Variants in DDHD2 observed in about 807,000 individuals in gnomAD.
DDHD2 encodes DDHD domain containing 2.
Under a neutral mutation model 91.2 loss-of-function variants are expected in DDHD2, and 62 were observed. The ratio of observed to expected loss-of-function variants is 0.68; its 90% CI spans 0.55 to 0.84. The LOEUF (loss-of-function observed/expected upper bound fraction) is 0.84, where lower values mean the gene tolerates loss of function less well. DDHD2 is among the 40% of genes least tolerant of loss of function. DDHD2 has a pLI of 0.00. For synonymous variants in DDHD2, 271 were observed against 293.9 expected, an observed-to-expected ratio of 0.92 and a Z score of 0.80; for missense variants, 740 against 846.9, an observed-to-expected ratio of 0.87 and a Z score of 1.57.
At chr8:38,241,211 T>C (rs544715707) in intron 6 of DDHD2, among the ~76,000 whole-genome samples, 5 of 152,134 alleles carry the variant, frequency 3.3e-5, no homozygotes, top group Non-Finnish European at 7.4e-5. Context: ...TGATGTGATA[T>C]GAATTTCAAA....
intron 1 of DDHD2, chr8:38,268,663 G>A: frequency 7.0e-7 from 1 of 1,432,814 alleles, no homozygotes; most frequent in Admixed American, 2.9e-5. Flanking sequence ...CTGAGGCACA[G>A]AGCGCCCGGG....
At chr8:38,267,092 A>G (rs545237511), downstream of DDHD2, 4 of 1,461,462 alleles carry the variant, frequency 2.7e-6, no homozygotes, top group South Asian at 5.9e-5. Flanking sequence ...GTTCTGTAAT[A>G]TTTACCCAAA....
chr8:38,237,784 C>G (rs1034140026), intron 4 of DDHD2, among the ~76,000 whole-genome samples, 157 bp downstream of exon 4: 11 of 152,206 alleles, frequency 7.2e-5, no homozygotes, highest in Admixed American at 5.9e-4. Context: ...GTAGCCACTA[C>G]TGTTATTTAC....
In DDHD2 at chr8:38,246,282, G is replaced by C; in HGVS notation, c.1107G>C (p.Gly369=). 1 of 1,608,728 alleles carries C rather than the reference G, an allele frequency of 6.2e-7. No homozygotes were observed. Among genetic ancestry groups the C allele is most frequent in the Non-Finnish European group, 8.5e-7 (1 of 1,176,010 alleles). The change falls in exon 9 of 18, where the codon GGG becomes GGC. Residue 369 remains glycine, a synonymous_variant. Coordinates refer to ENST00000397166, the MANE Select transcript of DDHD2 (RefSeq NM_015214.3). The part of the protein sequence containing the change: ...DILTNQKDSL[G]DIDSEKDSLN... ...TAACAAATCAGAAAGATTCTTTGGGGGATATTGACAGTGAAAAGGTAATTT... is the reference window on the plus strand; with the variant it reads ...TAACAAATCAGAAAGATTCTTTGGGCGATATTGACAGTGAAAAGGTAATTT...
chr8:38,266,791 C>T (rs900809360), downstream of DDHD2, among the ~76,000 whole-genome samples: 5 of 152,124 alleles, frequency 3.3e-5, no homozygotes, highest in Admixed American at 3.3e-4. Flanking sequence ...GGACTTAGTG[C>T]CCCAAAGTTA....
chr8:38,251,330 AC>A (rs1252320718), intron 11 of DDHD2: 2 of 152,504 alleles, frequency 1.3e-5, no homozygotes, highest in Non-Finnish European at 2.9e-5. Flanking sequence ...GGCGTGAGCC[AC>A]CATGCCTGGC....
rs1029105466 is a variant in DDHD2, at chr8:38,238,563, A to AACT, written c.622+355_622+357dup. ...TCCTTGAAGATTTTCAACTAAGGAAAACTGTTTTTCAGCAGGACCTGATTA... is the reference window on the plus strand; with the variant it reads ...TCCTTGAAGATTTTCAACTAAGGAAAACTACTGTTTTTCAGCAGGACCTGATTA... On this transcript the variant is annotated intron_variant, in intron 5 of 17. Transcript: ENST00000397166. 3.0e-5 allele frequency: 31 copies of AACT among 1,041,578 alleles called. No homozygotes were observed. In the Admixed American group the frequency reaches 8.6e-4, roughly 29 times the overall value. 64.5% of individuals were successfully genotyped at this position (1,041,578 alleles called of 1,614,324 possible). A position where few individuals can be genotyped will look rare whatever the true frequency, so the allele number is the denominator to read the frequency against.
downstream of DDHD2, chr8:38,267,270 A>G: frequency 6.2e-7 from 1 of 1,613,980 alleles, no homozygotes. Flanking sequence ...TTCATACAGG[A>G]AGAATGTCCA....
chr8:38,243,897 C>T (rs576295750), intron 7 of DDHD2, among the ~76,000 whole-genome samples: 3 of 151,556 alleles, frequency 2.0e-5, no homozygotes, highest in African/African-American at 7.3e-5. Flanking sequence ...CTCCGACTCC[C>T]GGGTTCAAGC....
chr8:38,255,765 A>C (rs1187250956), intron 16 of DDHD2, among the ~76,000 whole-genome samples: 1 of 151,716 alleles, frequency 6.6e-6, no homozygotes, highest in African/African-American at 2.4e-5. Context: ...TCCTCTACTC[A>C]TGGACTTTCA....
intron 16 of DDHD2, among the ~76,000 whole-genome samples, chr8:38,257,247 T>G (rs1413279822): frequency 7.4e-5 from 10 of 135,476 alleles, no homozygotes; most frequent in African/African-American, 1.9e-4. Flanking sequence ...AGTTTTTTTT[T>G]TTTTTTTTTT....
At chr8:38,239,481 C>T (rs986339983) in intron 5 of DDHD2, among the ~76,000 whole-genome samples, 3 of 150,816 alleles carry the variant, frequency 2.0e-5, no homozygotes, top group African/African-American at 4.9e-5. Flanking sequence ...GTCAGGAGGT[C>T]GAGACCATTC....
At chr8:38,265,024 T>A, downstream of DDHD2, 1 of 1,013,108 alleles carries the variant, frequency 9.9e-7, no homozygotes, top group Non-Finnish European at 1.6e-6. Flanking sequence ...ATCCCAGCAC[T>A]TTGGGAGGAC....
intron 7 of DDHD2, 26 bp downstream of exon 7, chr8:38,242,411 T>C (rs756646170): frequency 1.9e-6 from 3 of 1,601,764 alleles, no homozygotes; most frequent in Admixed American, 1.8e-5. Flanking sequence ...TACCTTCGAG[T>C]TGTTAGCTGT....
At chr8:38,236,157 C>T (rs1251231935) in intron 3 of DDHD2, among the ~76,000 whole-genome samples, 6 of 151,672 alleles carry the variant, frequency 4.0e-5, no homozygotes, top group African/African-American at 7.3e-5. Flanking sequence ...GGACTACAGG[C>T]GCCCGCCACC....
chr8:38,237,689 A>G (rs747039497), intron 4 of DDHD2, 62 bp downstream of exon 4: 17 of 919,872 alleles, frequency 1.8e-5, no homozygotes, highest in East Asian at 5.4e-5. Context: ...GGAGAACTCA[A>G]TTGGTTTCTT....
intron 2 of DDHD2, among the ~76,000 whole-genome samples, chr8:38,234,185 A>G (rs1251160381): frequency 1.3e-5 from 2 of 152,050 alleles, no homozygotes; most frequent in African/African-American, 4.8e-5. Flanking sequence ...TTTTTTTCAT[A>G]TTTCATTAAA....
intron 1 of DDHD2, chr8:38,269,003 A>C (rs746972838): frequency 6.4e-7 from 1 of 1,571,224 alleles, no homozygotes; most frequent in South Asian, 1.2e-5. Flanking sequence ...AGAGGGGAAC[A>C]AAGAAGCGCA....
chr8:38,236,794 A>G (rs1374367565), intron 3 of DDHD2, among the ~76,000 whole-genome samples: 27 of 151,942 alleles, frequency 1.8e-4, no homozygotes, highest in Admixed American at 1.8e-3. Flanking sequence ...TGCTGGGATT[A>G]TAGGCGTGAG....
Sources: gnomAD v4.1 joint callset for allele counts (sites outside exome capture counted in the v4.1 genomes callset) on GRCh38, gnomAD v4.1.1 for gene constraint, MANE v1.5 for transcripts, NCBI Gene and HGNC (gene_info 2026-07-23, HGNC 2026-07-21) for gene names.